Variants in PSD3 observed in about 807,000 individuals in gnomAD.
PSD3 encodes the protein pleckstrin and Sec7 domain containing 3.
In PSD3, 49 loss-of-function variants were observed where a neutral mutation model predicts 105.5. The observed-to-expected ratio is 0.46, with a 90% CI of 0.37 to 0.59. PSD3 has a LOEUF of 0.59. Ranked by LOEUF, PSD3 falls within the 20% of genes least tolerant of loss-of-function variation. The pLI is 0.00. For synonymous variants in PSD3, 557 were observed against 457.8 expected, an observed-to-expected ratio of 1.22 and a Z score of -2.77; for missense variants, 1,561 against 1,263.8, an observed-to-expected ratio of 1.24 and a Z score of -3.57.
intron 9 of PSD3, among the ~76,000 whole-genome samples, chr8:18,724,570 C>G (rs994098116): frequency 6.6e-6 from 1 of 151,832 alleles, no homozygotes; most frequent in Non-Finnish European, 1.5e-5. Context: ...TATGATCACT[C>G]CATTGTACTC....
intron 2 of PSD3, 28 bp downstream of exon 2, chr8:18,936,006 T>C (rs760177340): frequency 1.6e-5 from 23 of 1,417,438 alleles, no homozygotes; most frequent in Non-Finnish European, 1.8e-5. Flanking sequence ...ATAGTTTACC[T>C]GGGAGAGGGA....
intron 1 of PSD3, among the ~76,000 whole-genome samples, chr8:18,946,119 G>C (rs762652631): frequency 1.3e-5 from 2 of 152,134 alleles, no homozygotes; most frequent in Admixed American, 6.5e-5. Context: ...TTTTAGCACA[G>C]ATCATCCAAA....
chr8:18,968,125 T>C (rs1824398498), intron 1 of PSD3, among the ~76,000 whole-genome samples: 1 of 152,086 alleles, frequency 6.6e-6, no homozygotes, highest in Non-Finnish European at 1.5e-5. Flanking sequence ...GTTCCTGAAA[T>C]TGCCAGAGAA....
intron 1 of PSD3, among the ~76,000 whole-genome samples, chr8:18,978,837 A>T (rs1421612928): frequency 6.6e-6 from 1 of 151,230 alleles, no homozygotes. Context: ...CTCTCTTTCA[A>T]CCTCTCTCCC....
intron 1 of PSD3, among the ~76,000 whole-genome samples, chr8:19,073,254 GA>G (rs940316065): frequency 5.5e-4 from 84 of 152,120 alleles, no homozygotes; most frequent in African/African-American, 2.0e-3. Flanking sequence ...CAGGCTTCAT[GA>G]TTAAGACAGG....
At chr8:18,828,067 A>ATAT (rs371473289) in intron 4 of PSD3, among the ~76,000 whole-genome samples, 1,310 of 118,854 alleles carry the variant, frequency 0.011, 22 homozygotes, top group African/African-American at 0.031. Context: ...ATATATATAT[A>ATAT]TTTTTTTTTT....
At chr8:18,865,768 T>A (rs1816886978) in intron 4 of PSD3, among the ~76,000 whole-genome samples, 1 of 152,174 alleles carries the variant, frequency 6.6e-6, no homozygotes, top group Non-Finnish European at 1.5e-5. Flanking sequence ...CAAGATCTCC[T>A]GGTTTGACAA....
At position 18,534,976 on chromosome 8, in the gene PSD3, T is replaced by C. The variant is rs1799777876; in HGVS notation, c.*767A>G. On this transcript the variant is annotated 3_prime_UTR_variant, in exon 16 of 16. Coordinates refer to ENST00000327040, the MANE Select transcript of PSD3 (RefSeq NM_015310.4). ...ACTGCTGCAGCTCCTCAAGGGCCGA[T>C]TATTGCCCCCATCCTTTAGCAAACA... is the stretch of plus-strand genomic sequence containing the variant. The C allele has an allele frequency of 6.6e-6, 1 of 152,648 alleles. No homozygotes were observed. The highest frequency in any genetic ancestry group is 1.5e-5 in the Non-Finnish European group (1 of 68,038). 9.5% of individuals were successfully genotyped at this position (152,648 alleles called of 1,614,324 possible).
intron 1 of PSD3, among the ~76,000 whole-genome samples, chr8:19,004,810 T>C (rs1297104047): frequency 6.6e-6 from 1 of 151,986 alleles, no homozygotes; most frequent in African/African-American, 2.4e-5. Flanking sequence ...TTGATTGTAA[T>C]AAGTCTCAAG....
At chr8:18,971,486 C>T (rs1824649207) in intron 1 of PSD3, among the ~76,000 whole-genome samples, 3 of 152,162 alleles carry the variant, frequency 2.0e-5, no homozygotes, top group Admixed American at 2.0e-4. Context: ...TGAGAAAATA[C>T]CAGAATGGGT....
At chr8:18,725,499 C>A (rs374973904) in intron 9 of PSD3, among the ~76,000 whole-genome samples, 1 of 152,142 alleles carries the variant, frequency 6.6e-6, no homozygotes, top group African/African-American at 2.4e-5. Flanking sequence ...TCTGGAACCA[C>A]TGGGGACAAT....
intron 11 of PSD3, among the ~76,000 whole-genome samples, chr8:18,604,170 G>C (rs1804645699): frequency 2.6e-5 from 4 of 152,296 alleles, no homozygotes; most frequent in Admixed American, 2.6e-4. Context: ...CCAGAGACTG[G>C]ATGAATGGTT....
chr8:19,024,401 C>T (rs370299880), intron 1 of PSD3, among the ~76,000 whole-genome samples: 1 of 152,130 alleles, frequency 6.6e-6, no homozygotes, highest in South Asian at 2.1e-4. Flanking sequence ...GAAGACCATG[C>T]CAGGGGCCTC....
At position 18,530,203 on chromosome 8, in the gene PSD3, T is replaced by G. The variant is rs2129852847; in HGVS notation, c.*5540A>C. The G allele has an allele frequency of 6.5e-6, 1 of 152,792 alleles. No individual in the cohort carries two copies. The highest frequency in any genetic ancestry group is 3.4e-3 in the Middle Eastern group (1 of 294). 9.5% of individuals were successfully genotyped at this position (152,792 alleles called of 1,614,324 possible). On this transcript the variant is annotated 3_prime_UTR_variant, in exon 16 of 16. Coordinates refer to ENST00000327040, the MANE Select transcript of PSD3 (RefSeq NM_015310.4). ...TGGTTAATAAAATTTTAGTCTCTAG[T>G]TACCTATTTACACTCTATAATATAA...
At chr8:18,614,780 C>G (rs1805533611) in intron 11 of PSD3, among the ~76,000 whole-genome samples, 1 of 150,478 alleles carries the variant, frequency 6.6e-6, no homozygotes, top group South Asian at 2.1e-4. Context: ...AGGTGTGCAC[C>G]ATCATGCCTG....
At chr8:18,805,031 C>T in intron 4 of PSD3, 133 bp from the exon 5 acceptor site, 2 of 798,946 alleles carry the variant, frequency 2.5e-6, no homozygotes, top group East Asian at 2.8e-5. Context: ...TTTAAATATT[C>T]ATAAAAATTT....
At chr8:18,539,788 C>T (rs184752056) in intron 15 of PSD3, among the ~76,000 whole-genome samples, 371 of 151,994 alleles carry the variant, frequency 2.4e-3, no homozygotes, top group Non-Finnish European at 4.2e-3. Context: ...CCTCATGATC[C>T]GCCTGCCTCG....
rs890897054 is a variant in PSD3, at chr8:18,531,089, CA to C, written c.*4653del. 1 of 152,426 alleles carries C rather than the reference CA, an allele frequency of 6.6e-6. No homozygotes were observed. The highest frequency in any genetic ancestry group is 1.5e-5 in the Non-Finnish European group (1 of 68,020). The allele number at this position is 152,426 out of a possible 1,614,324, so 9.4% of individuals were successfully genotyped here. ...CCACAAATACAACAATGGCAGGTGA[CA>C]GCATTTTCTTTGATGACTGACATAC... On this transcript the variant is annotated 3_prime_UTR_variant, in exon 16 of 16. Transcript: ENST00000327040.
intron 10 of PSD3, among the ~76,000 whole-genome samples, chr8:18,654,593 A>C (rs965759360): frequency 6.6e-6 from 1 of 152,238 alleles, no homozygotes; most frequent in Non-Finnish European, 1.5e-5. Flanking sequence ...GTATTGTTCT[A>C]CGTAGACCTA....
Sources: gnomAD v4.1 joint callset for allele counts (sites outside exome capture counted in the v4.1 genomes callset) on GRCh38, gnomAD v4.1.1 for gene constraint, MANE v1.5 for transcripts, NCBI Gene and HGNC (gene_info 2026-07-23, HGNC 2026-07-21) for gene names.